Variants in CACNA1B observed in about 807,000 individuals in gnomAD.
CACNA1B encodes voltage-dependent N-type calcium channel subunit alpha-1B.
Under a neutral mutation model 247.2 loss-of-function variants are expected in CACNA1B, and 70 were observed. That is an observed-to-expected ratio of 0.28 (90% CI 0.23 to 0.35). CACNA1B has a LOEUF of 0.35. Ranked by LOEUF, CACNA1B falls within the 10% of genes least tolerant of loss-of-function variation. The pLI is 1.00. For synonymous variants in CACNA1B, 1,231 were observed against 1,294.4 expected, an observed-to-expected ratio of 0.95 and a Z score of 1.05; for missense variants, 2,367 against 3,197.4, an observed-to-expected ratio of 0.74 and a Z score of 6.26.
In CACNA1B at chr9:137,919,070, C is replaced by T. The variant is rs1317026894; in HGVS notation, c.966+1639C>T. 1.3e-5 allele frequency among the ~76,000 whole-genome samples: 2 copies of T among 152,260 alleles called. No individual in the cohort carries two copies. The highest frequency in any genetic ancestry group is 1.3e-4 in the Admixed American group (2 of 15,292). On this transcript the variant is annotated intron_variant, in intron 6 of 46. Transcript: ENST00000371372. This position sits in a 1 kb window ranked among gnomAD's most constrained non-coding sequence, Gnocchi z 4.6. ...AGGTCTCCACAGCCCTCAGTGTCCA[C>T]TGGGGCTTGGCCAGGGGCCGCACAT...
chr9:137,899,587 G>T lies in CACNA1B; in HGVS notation c.531-13593G>T, dbSNP rs1588991233. On this transcript the variant is annotated intron_variant, in intron 3 of 46. Coordinates refer to ENST00000371372, the MANE Select transcript of CACNA1B (RefSeq NM_000718.4). This position sits in a 1 kb window ranked among gnomAD's most constrained non-coding sequence, Gnocchi z 5.0. The stretch of plus-strand genomic sequence containing the variant: ...GGCTCCCACTTCTTGGCCTGTTAGA[G>T]CAGGGACTGGGGTGGGGAGGCCGAG... Among the ~76,000 whole-genome samples, 1 of 152,202 alleles carries T rather than the reference G, an allele frequency of 6.6e-6. No homozygotes were observed. The highest frequency in any genetic ancestry group is 6.5e-5 in the Admixed American group (1 of 15,286).
rs145838085 is a variant in CACNA1B at position 138,077,316 on chromosome 9, G to A, written c.4950-798G>A. ...CTGGCTGTGTCCAGGAACAGACTCC[G>A]TGCAGGAGCATCCAGGGTGGCTGCT... On this transcript the variant is annotated intron_variant, in intron 35 of 46. Transcript: ENST00000371372. Among the ~76,000 whole-genome samples, 36 of 152,332 alleles carry A rather than the reference G, an allele frequency of 2.4e-4. No individual in the cohort carries two copies. The Middle Eastern group carries it at 0.014, about 58-fold the overall frequency.
rs1009210936 is a variant in CACNA1B at position 138,023,673 on chromosome 9, G to A, written c.2930G>A (p.Arg977Gln). The change falls in exon 19 of 47, where the codon CGG becomes CAG. Residue 977 changes from arginine (R) to glutamine (Q), a missense_variant. Physicochemically the swap from Arg to Gln is conservative, Grantham distance 43. Coordinates refer to ENST00000371372, the MANE Select transcript of CACNA1B (RefSeq NM_000718.4). ...REAESGEEPARRHRARHKAQP... is the reference protein window; with the variant it reads ...REAESGEEPAQRHRARHKAQP... ...GCGGAGAGCGGGGAGGAGCCGGCGC[G>A]GCGGCACCGGGCCCGGCACAAGGCG... is the stretch of plus-strand genomic sequence containing the variant. 2 of 1,500,110 alleles carry A rather than the reference G, an allele frequency of 1.3e-6. No homozygotes were observed. Among genetic ancestry groups the A allele is most frequent in the African/African-American group, 1.5e-5 (1 of 68,458 alleles). 92.9% of individuals were successfully genotyped at this position (1,500,110 alleles called of 1,614,324 possible).
At chr9:137,942,674 C>T (rs1297097667) in intron 6 of CACNA1B, among the ~76,000 whole-genome samples, 1 of 152,166 alleles carries the variant, frequency 6.6e-6, no homozygotes, top group African/African-American at 2.4e-5. Flanking sequence ...TCACAGTGAC[C>T]TTGATGAGAT....
At position 137,879,166 on chromosome 9, in the gene CACNA1B, G is replaced by T; in HGVS notation, c.390+7G>T. The T allele has an allele frequency of 6.3e-7, 1 of 1,585,788 alleles. No individual in the cohort carries two copies. Among genetic ancestry groups the T allele is most frequent in the Non-Finnish European group, 8.6e-7 (1 of 1,160,688 alleles). ...GCCCATGTCCGAGCGGCTGGTGAGT[G>T]CCCGGCTGGGCCTGAGGGCAGGGTG... On this transcript the variant is annotated splice_region_variant and intron_variant, in intron 2 of 46. Coordinates refer to ENST00000371372, the MANE Select transcript of CACNA1B (RefSeq NM_000718.4).
intron 34 of CACNA1B, among the ~76,000 whole-genome samples, chr9:138,074,629 G>A (rs1406455066): frequency 6.6e-6 from 1 of 152,246 alleles, no homozygotes; most frequent in East Asian, 1.9e-4. Context: ...GGCCATCCTG[G>A]TGTGGGGCAG....
At chr9:137,984,721 T>C (rs1958336319) in intron 13 of CACNA1B, among the ~76,000 whole-genome samples, 1 of 152,226 alleles carries the variant, frequency 6.6e-6, no homozygotes, top group Non-Finnish European at 1.5e-5. Context: ...GGCACCTGCC[T>C]GGCCCCTGTG....
rs566450652 is a variant in CACNA1B at position 137,974,021 on chromosome 9, G to A, written c.1544-1886G>A. On this transcript the variant is annotated intron_variant, in intron 11 of 46. Transcript: ENST00000371372. The surrounding 1 kb of genome is among the most constrained non-coding windows in gnomAD (Gnocchi z 4.5). ...TCTGGGGCCTCTCCTCCCTGGGTCCGAGCCCCTCGTGTGGGGAGCCCGAGG... is the reference window on the plus strand; with the variant it reads ...TCTGGGGCCTCTCCTCCCTGGGTCCAAGCCCCTCGTGTGGGGAGCCCGAGG... Among the ~76,000 whole-genome samples the A allele has an allele frequency of 9.8e-5, 15 of 152,306 alleles. No homozygotes were observed. The East Asian group carries it at 2.3e-3, about 23-fold the overall frequency.
At position 137,913,131 on chromosome 9, in the gene CACNA1B, G is replaced by C; in HGVS notation, c.531-49G>C. On this transcript the variant is annotated intron_variant, in intron 3 of 46. Transcript: ENST00000371372. This position sits in a 1 kb window ranked among gnomAD's most constrained non-coding sequence, Gnocchi z 5.2. ...GGTGGGAGGAGTGTGTCCTCTTCCAGGCTCAATGTGGAAACCTTTACTTCC... is the reference window on the plus strand; with the variant it reads ...GGTGGGAGGAGTGTGTCCTCTTCCACGCTCAATGTGGAAACCTTTACTTCC... 4 of 1,467,924 alleles carry C rather than the reference G, an allele frequency of 2.7e-6. No individual in the cohort carries two copies. Among genetic ancestry groups the C allele is most frequent in the Non-Finnish European group, 3.8e-6 (4 of 1,049,572 alleles). 90.9% of individuals were successfully genotyped at this position (1,467,924 alleles called of 1,614,324 possible).
intron 31 of CACNA1B, among the ~76,000 whole-genome samples, chr9:138,064,899 C>T (rs1265656455): frequency 2.0e-5 from 3 of 152,238 alleles, no homozygotes; most frequent in African/African-American, 4.8e-5. Flanking sequence ...TGCCAGTGCC[C>T]TCCTCCCAAA....
chr9:138,037,650 C>G (rs529231827), intron 20 of CACNA1B, among the ~76,000 whole-genome samples: 1 of 151,746 alleles, frequency 6.6e-6, no homozygotes, highest in Admixed American at 6.5e-5. Context: ...CAGAGCGAGA[C>G]TCTGTCTCAA....
At chr9:138,084,289 T>C (rs1211701303) in intron 36 of CACNA1B, among the ~76,000 whole-genome samples, 1 of 151,164 alleles carries the variant, frequency 6.6e-6, no homozygotes, top group African/African-American at 2.4e-5. Context: ...AACCCAGTGG[T>C]GCTGCAGCTG....
Position 137,986,634 on chromosome 9 carries a change from C to A in CACNA1B, c.1901+90C>A. ...ACGGTGCCGCCCAGGCTGCCTCCAC[C>A]CACCTTCCCACCAGGAAGGTCCTCA... On this transcript the variant is annotated intron_variant, in intron 14 of 46. Transcript: ENST00000371372. The surrounding 1 kb of genome is among the most constrained non-coding windows in gnomAD (Gnocchi z 6.0). 6.6e-7 allele frequency: 1 copy of A among 1,516,516 alleles called. No homozygotes were observed. 93.9% of individuals were successfully genotyped at this position (1,516,516 alleles called of 1,614,324 possible).
At chr9:138,071,135 C>T (rs1277264035) in intron 32 of CACNA1B, among the ~76,000 whole-genome samples, 1 of 149,196 alleles carries the variant, frequency 6.7e-6, no homozygotes, top group East Asian at 1.9e-4. Flanking sequence ...TCAAGTACTC[C>T]TCACCTCCTG....
intron 15 of CACNA1B, among the ~76,000 whole-genome samples, chr9:137,999,105 A>T (rs1012267121): frequency 7.9e-5 from 12 of 152,138 alleles, no homozygotes; most frequent in African/African-American, 2.9e-4. Flanking sequence ...TCAGGAATTC[A>T]AGACCAGCCT....
At chr9:138,115,999 C>T (rs147833551) in intron 42 of CACNA1B, among the ~76,000 whole-genome samples, 2 of 152,222 alleles carry the variant, frequency 1.3e-5, no homozygotes, top group African/African-American at 2.4e-5. Context: ...ACTTTAAAAT[C>T]GTTTCCTGTG....
At chr9:137,931,275 G>A (rs571437488) in intron 6 of CACNA1B, among the ~76,000 whole-genome samples, 1 of 152,262 alleles carries the variant, frequency 6.6e-6, no homozygotes, top group East Asian at 1.9e-4. Context: ...AGAATTTTCT[G>A]GAGTTTAAAT....
At chr9:138,047,894 A>G (rs1306623765) in intron 23 of CACNA1B, among the ~76,000 whole-genome samples, 1 of 152,130 alleles carries the variant, frequency 6.6e-6, no homozygotes, top group African/African-American at 2.4e-5. Flanking sequence ...TTAGGAGGGC[A>G]TTTGTCTTAT....
intron 10 of CACNA1B, among the ~76,000 whole-genome samples, chr9:137,967,409 G>C (rs1224205286): frequency 2.0e-5 from 3 of 152,112 alleles, no homozygotes; most frequent in Non-Finnish European, 2.9e-5. Flanking sequence ...GCCCCCACAG[G>C]CTCCCCTATG....
Sources: gnomAD v4.1 joint callset for allele counts (sites outside exome capture counted in the v4.1 genomes callset) on GRCh38, gnomAD v4.1.1 for gene constraint, Gnocchi (gnomAD v3.1) non-coding constraint, MANE v1.5 for transcripts, NCBI Gene and HGNC (gene_info 2026-07-23, HGNC 2026-07-21) for gene names.